Variants in RAB12 observed in about 807,000 individuals in gnomAD.
RAB12 encodes ras-related protein Rab-12.
A neutral mutation model predicts 28.4 loss-of-function variants in RAB12; 11 were observed. The ratio of observed to expected loss-of-function variants is 0.39; its 90% CI spans 0.24 to 0.64. The LOEUF is 0.64. Among genes scored for constraint, RAB12 ranks in the 30% least tolerant of loss-of-function variants. RAB12 has a pLI of 0.50. For synonymous variants in RAB12, 138 were observed against 145.3 expected, an observed-to-expected ratio of 0.95 and a Z score of 0.36; for missense variants, 276 against 351.1, an observed-to-expected ratio of 0.79 and a Z score of 1.71.
intron 5 of RAB12, among the ~76,000 whole-genome samples, chr18:8,637,703 G>A (rs575978475): frequency 1.3e-5 from 2 of 152,042 alleles, no homozygotes; most frequent in East Asian, 1.9e-4. Context: ...AAAACTTAAC[G>A]ACTAAAAGCC....
At chr18:8,633,094 G>A in intron 2 of RAB12, 95 bp from the exon 3 acceptor site, 1 of 1,507,248 alleles carries the variant, frequency 6.6e-7, no homozygotes. Context: ...TTTTTTCGCA[G>A]AAAAACTGCA....
chr18:8,609,726 G>T lies in RAB12; in HGVS notation c.287G>T (p.Cys96Phe), dbSNP rs1330030782. The T allele has an allele frequency of 8.7e-7, 1 of 1,144,856 alleles. No individual in the cohort carries two copies. The highest frequency in any genetic ancestry group is 1.1e-6 in the Non-Finnish European group (1 of 933,038). The allele number at this position is 1,144,856 out of a possible 1,614,324, so 70.9% of individuals were successfully genotyped here. A position where few individuals can be genotyped will look rare whatever the true frequency, so the allele number is the denominator to read the frequency against. The change falls in exon 1 of 6, where the codon TGT becomes TTT. Residue 96 changes from cysteine to phenylalanine, a missense_variant. By Grantham distance (205) the Cys-to-Phe change is radical. Coordinates refer to ENST00000649141, the MANE Select transcript of RAB12 (RefSeq NM_001025300.3). Reference protein sequence around the residue: ...GRRAEREPHACMDPGAALQRR... With the variant: ...GRRAEREPHAFMDPGAALQRR... ...CGGGCCGAGCGGGAGCCGCATGCGT[G>T]TATGGATCCGGGCGCCGCGCTGCAG...
rs2096002717 is a variant in RAB12 at position 8,609,850 on chromosome 18, C to G, written c.411C>G (p.Phe137Leu). 1 of 1,584,064 alleles carries G rather than the reference C, an allele frequency of 6.3e-7. No individual in the cohort carries two copies. The highest frequency in any genetic ancestry group is 8.6e-7 in the Non-Finnish European group (1 of 1,167,386). ...RRKQPPRPAD[F>L]KLQVIIIGSR... is the part of the protein sequence containing the mutation. Reference sequence around the variant, plus strand: ...AGCAGCCCCCCAGGCCGGCCGACTTCAAGTTGCAGGTCATCATTATCGGCT... The same window carrying G: ...AGCAGCCCCCCAGGCCGGCCGACTTGAAGTTGCAGGTCATCATTATCGGCT... The change falls in exon 1 of 6, where the codon TTC (phenylalanine) becomes TTG (leucine). Residue 137 changes from phenylalanine to leucine, a missense_variant. Physicochemically the swap from Phe to Leu is conservative, Grantham distance 22 (BLOSUM62 0). Coordinates refer to ENST00000649141, the MANE Select transcript of RAB12 (RefSeq NM_001025300.3).
intron 1 of RAB12, among the ~76,000 whole-genome samples, chr18:8,617,882 C>T (rs2096007561): frequency 6.6e-6 from 1 of 152,124 alleles, no homozygotes; most frequent in Non-Finnish European, 1.5e-5. Flanking sequence ...TAATATATAC[C>T]TCATAATATT....
chr18:8,625,788 C>G (rs533452761), intron 2 of RAB12, among the ~76,000 whole-genome samples: 1 of 152,346 alleles, frequency 6.6e-6, no homozygotes, highest in Non-Finnish European at 1.5e-5. Flanking sequence ...AGCTTACTAA[C>G]TCCTCTTGGC....
chr18:8,636,114 A>T (rs1468771835), intron 4 of RAB12, 139 bp from the exon 5 acceptor site: 1 of 653,292 alleles, frequency 1.5e-6, no homozygotes, highest in Non-Finnish European at 2.8e-6. Flanking sequence ...TACACTTGTG[A>T]ACTTTATCTT....
At chr18:8,636,467 G>T (rs1047233958) in intron 5 of RAB12, 110 bp downstream of exon 5, 11 of 680,076 alleles carry the variant, frequency 1.6e-5, no homozygotes, top group African/African-American at 3.7e-5. Context: ...CAGTAGTTGT[G>T]CTCAGGCGCA....
chr18:8,623,608 T>C (rs982748313), intron 1 of RAB12, among the ~76,000 whole-genome samples: 7 of 152,244 alleles, frequency 4.6e-5, no homozygotes, highest in African/African-American at 1.7e-4. Flanking sequence ...GTCTTCAAGT[T>C]CTCCATCATG....
At position 8,635,828 on chromosome 18, in the gene RAB12, A is replaced by G. The variant is rs147286239; in HGVS notation, c.804+206A>G. The G allele has an allele frequency of 6.8e-4, 340 of 497,242 alleles. 5 individuals are homozygous for G. The East Asian group carries it at 0.011, about 16-fold the overall frequency. 30.8% of individuals were successfully genotyped at this position (497,242 alleles called of 1,614,324 possible). ...AAATGGAGGGAGAAAAAAACACATC[A>G]GTGTATACAACATTATTATCTAACC... On this transcript the variant is annotated intron_variant, in intron 4 of 5. Transcript: ENST00000649141.
chr18:8,619,709 C>A (rs370258195), intron 1 of RAB12, among the ~76,000 whole-genome samples: 3 of 152,206 alleles, frequency 2.0e-5, no homozygotes, highest in East Asian at 3.9e-4. Flanking sequence ...TGTCCTCTCT[C>A]TGCTCATCAT....
intron 1 of RAB12, among the ~76,000 whole-genome samples, chr18:8,620,139 C>CTTTTTTTTTTTTTTTTTTTTTTTTTT (rs71165795): frequency 3.3e-4 from 18 of 53,946 alleles, no homozygotes; most frequent in Non-Finnish European, 4.6e-4. Context: ...TTTTCTTCTT[C>CTTTTTTTTTTTTTTTTTTTTTTTTTT]TTTTTTTTTT....
chr18:8,613,621 T>C (rs914749486), intron 1 of RAB12, among the ~76,000 whole-genome samples: 2 of 152,230 alleles, frequency 1.3e-5, no homozygotes, highest in South Asian at 2.1e-4. Context: ...TTTATTTCTA[T>C]GTTACTGTTG....
chr18:8,616,227 A>G (rs771255410), intron 1 of RAB12, among the ~76,000 whole-genome samples: 1 of 152,128 alleles, frequency 6.6e-6, no homozygotes, highest in Non-Finnish European at 1.5e-5. Context: ...GGTAGCCATA[A>G]TAAGTGTTAG....
Position 8,619,355 on chromosome 18 carries a change from T to C in RAB12, c.515-5583T>C, listed in dbSNP as rs79837454. Among the ~76,000 whole-genome samples, 21 of 152,352 alleles carry C rather than the reference T, an allele frequency of 1.4e-4. No homozygotes were observed. In the East Asian group the frequency reaches 4.0e-3, roughly 29 times the overall value. On this transcript the variant is annotated intron_variant, in intron 1 of 5. Transcript: ENST00000649141. ...AAGTTTCCGTGTGTTTTTGCCATTT[T>C]CACTTTTGTAACTTCTTATGGCCCA...
rs1445813186 is a variant in RAB12, at chr18:8,638,540, A to G, written c.*278A>G. ...CTAATATGAAGAATGGGAGAAATGA[A>G]AGGTATAATGTTTCTTGAAATAAAT... On this transcript the variant is annotated 3_prime_UTR_variant, in exon 6 of 6. Coordinates refer to ENST00000649141, the MANE Select transcript of RAB12 (RefSeq NM_001025300.3). The G allele has an allele frequency of 3.2e-6, 1 of 310,550 alleles. No individual in the cohort carries two copies. Among genetic ancestry groups the G allele is most frequent in the Non-Finnish European group, 6.0e-6 (1 of 167,300 alleles). 19.2% of individuals were successfully genotyped at this position (310,550 alleles called of 1,614,324 possible). A position where few individuals can be genotyped will look rare whatever the true frequency, so the allele number is the denominator to read the frequency against.
chr18:8,617,757 C>T (rs929135248), intron 1 of RAB12, among the ~76,000 whole-genome samples: 1 of 152,274 alleles, frequency 6.6e-6, no homozygotes, highest in East Asian at 1.9e-4. Context: ...GGAGCACAGC[C>T]GGGAGCCAGG....
At chr18:8,630,666 G>T (rs1365555268) in intron 2 of RAB12, among the ~76,000 whole-genome samples, 1 of 152,194 alleles carries the variant, frequency 6.6e-6, no homozygotes, top group Non-Finnish European at 1.5e-5. Context: ...ACAGGGCTCA[G>T]CTGGCATCTG....
intron 1 of RAB12, among the ~76,000 whole-genome samples, chr18:8,610,560 T>G (rs953428381): frequency 1.3e-5 from 2 of 152,178 alleles, no homozygotes; most frequent in Admixed American, 1.3e-4. Context: ...TGGGGTTGAT[T>G]CCTCCAGTAC....
rs754883612 is a variant in RAB12 at position 8,633,207 on chromosome 18, G to A, written c.594G>A (p.Glu198=). The part of the protein sequence containing the change: ...RLQIWDTAGQ[E]RFNSITSAYY... Reference sequence around the variant, plus strand: ...TTCTTAGGGACACAGCAGGTCAGGAGAGATTCAACAGCATTACCTCAGCTT... The same window carrying A: ...TTCTTAGGGACACAGCAGGTCAGGAAAGATTCAACAGCATTACCTCAGCTT... The change falls in exon 3 of 6, where the codon GAG becomes GAA. Residue 198 remains glutamate, a synonymous_variant. Transcript: ENST00000649141. 6.2e-6 allele frequency: 10 copies of A among 1,614,146 alleles called. No homozygotes were observed. Among genetic ancestry groups the A allele is most frequent in the Non-Finnish European group, 8.5e-6 (10 of 1,180,026 alleles).
Sources: gnomAD v4.1 joint callset for allele counts (sites outside exome capture counted in the v4.1 genomes callset) on GRCh38, gnomAD v4.1.1 for gene constraint, MANE v1.5 for transcripts, NCBI Gene and HGNC (gene_info 2026-07-23, HGNC 2026-07-21) for gene names.